TMEM156: variants seen among roughly 807,000 people sequenced by gnomAD.
TMEM156 encodes the protein transmembrane protein 156.
A neutral mutation model predicts 30.5 loss-of-function variants in TMEM156; 28 were observed. That is an observed-to-expected ratio of 0.92 (90% CI 0.68 to 1.26). TMEM156 has a LOEUF of 1.26. Ranked by LOEUF, TMEM156 falls within the 50% of genes most tolerant of loss-of-function variation. The pLI is 0.00. For missense variants in TMEM156, 351 were observed against 340.6 expected, an observed-to-expected ratio of 1.03 and a Z score of -0.24; for synonymous variants, 137 against 119.9, an observed-to-expected ratio of 1.14 and a Z score of -0.93.
At chr4:38,993,267 T>C (rs969607338) in intron 3 of TMEM156, among the ~76,000 whole-genome samples, 2 of 151,672 alleles carry the variant, frequency 1.3e-5, no homozygotes, top group African/African-American at 4.8e-5. Context: ...CCGTCTCTAC[T>C]AAAAATACAA....
intron 1 of TMEM156, among the ~76,000 whole-genome samples, chr4:39,002,531 T>A (rs1713439397): frequency 1.4e-5 from 2 of 138,930 alleles, no homozygotes; most frequent in Admixed American, 1.5e-4. Flanking sequence ...ATCCCATTAC[T>A]GGGTATATAC....
Position 38,993,909 on chromosome 4 carries a change from CAACCAGAGGAGCTACACTGA to C in TMEM156, c.428_447del (p.Phe143Ter). The C allele has an allele frequency of 6.2e-7, 1 of 1,614,062 alleles. No individual in the cohort carries two copies. ...GTAGTGTTATATTCCTCCAAGTGGT[CAACCAGAGGAGCTACACTGA>C]AGTTAAAGTGCTGACAAGGTGAATG... On this transcript the variant is annotated frameshift_variant, in exon 3 of 7. Coordinates refer to ENST00000381938, the MANE Select transcript of TMEM156 (RefSeq NM_024943.3). LOFTEE classifies it high-confidence loss of function.
At chr4:39,012,831 T>A (rs1714211046) in intron 1 of TMEM156, among the ~76,000 whole-genome samples, 2 of 151,672 alleles carry the variant, frequency 1.3e-5, no homozygotes, top group South Asian at 4.2e-4. Context: ...CCCAGCTACT[T>A]GGGAGGCTGA....
rs1313651181 is a variant in TMEM156 at position 38,968,008 on chromosome 4, T to A, written c.*39-367A>T. 2.6e-5 allele frequency among the ~76,000 whole-genome samples: 4 copies of A among 152,240 alleles called. No individual in the cohort carries two copies. The East Asian group carries it at 7.7e-4, about 29-fold the overall frequency. ...CTAGTTTACATTCCTACCAGCAGTG[T>A]ATAAGAGTTCCCAAAGTTGGGACAG... On this transcript the variant is annotated intron_variant, in intron 6 of 6. Transcript: ENST00000381938.
intron 5 of TMEM156, among the ~76,000 whole-genome samples, chr4:38,982,376 T>A (rs187747882): frequency 1.3e-5 from 2 of 152,344 alleles, no homozygotes; most frequent in Non-Finnish European, 2.9e-5. Context: ...TGCATAGTTT[T>A]CAAAATCCCT....
At chr4:38,995,269 C>A (rs925480055) in intron 2 of TMEM156, among the ~76,000 whole-genome samples, 2 of 152,194 alleles carry the variant, frequency 1.3e-5, no homozygotes, top group African/African-American at 4.8e-5. Context: ...ATGTCATATT[C>A]TGAGGTATCG....
At chr4:39,007,965 C>A (rs1713856281) in intron 1 of TMEM156, among the ~76,000 whole-genome samples, 1 of 151,976 alleles carries the variant, frequency 6.6e-6, no homozygotes, top group African/African-American at 2.4e-5. Flanking sequence ...TACAATTGAC[C>A]TTTAAATATC....
chr4:39,029,925 C>T (rs1715418728), intron 1 of TMEM156, among the ~76,000 whole-genome samples: 1 of 151,626 alleles, frequency 6.6e-6, no homozygotes, highest in Admixed American at 6.6e-5. Context: ...AACATTTTGC[C>T]TAGTAATCAA....
At position 38,998,841 on chromosome 4, in the gene TMEM156, A is replaced by G; in HGVS notation, c.157T>C (p.Leu53=). The change falls in exon 2 of 7, where the codon TTA becomes CTA. Residue 53 remains leucine, a synonymous_variant. Transcript: ENST00000381938. Reference sequence around the variant, plus strand: ...AGAAAAGTCACAAAAGAAAAATTTAAGGAGGAGAGTGAATAGGTAAAATTA... The same window carrying G: ...AGAAAAGTCACAAAAGAAAAATTTAGGGAGGAGAGTGAATAGGTAAAATTA... ...QSNFTYSLSS[L]NFSFVTFLQP... is the part of the protein sequence containing the mutation. 1 of 1,613,914 alleles carries G rather than the reference A, an allele frequency of 6.2e-7. No homozygotes were observed. The highest frequency in any genetic ancestry group is 8.5e-7 in the Non-Finnish European group (1 of 1,179,924).
At chr4:38,997,087 G>C (rs1054136499) in intron 2 of TMEM156, among the ~76,000 whole-genome samples, 1 of 152,206 alleles carries the variant, frequency 6.6e-6, no homozygotes, top group African/African-American at 2.4e-5. Flanking sequence ...CAGCAACTGG[G>C]ACAATGTGTC....
At position 39,021,394 on chromosome 4, in the gene TMEM156, C is replaced by CAA. The variant is rs35120494; in HGVS notation, c.88+10830_88+10831dup. Among the ~76,000 whole-genome samples, 276 of 145,478 alleles carry CAA rather than the reference C, an allele frequency of 1.9e-3. 1 individual carries two copies. Among genetic ancestry groups the CAA allele is most frequent in the Middle Eastern group, 0.011 (3 of 284 alleles). On this transcript the variant is annotated intron_variant, in intron 1 of 6. Transcript: ENST00000381938. ...TGGGCAACATAGTGAGACCTTGTCT[C>CAA]AAAAAAAAATAAATAAATAAAAAGA...
At position 38,998,923 on chromosome 4, in the gene TMEM156, A is replaced by C; in HGVS notation, c.89-14T>G. ...CCAATGTTCTTTCTGTAAAGAAAAAAGAAAAACACTTTCTTTACTGTAAAG... is the reference window on the plus strand; with the variant it reads ...CCAATGTTCTTTCTGTAAAGAAAAACGAAAAACACTTTCTTTACTGTAAAG... On this transcript the variant is annotated splice_polypyrimidine_tract_variant and intron_variant, in intron 1 of 6. Transcript: ENST00000381938. 1 of 1,589,972 alleles carries C rather than the reference A, an allele frequency of 6.3e-7. No homozygotes were observed. Among genetic ancestry groups the C allele is most frequent in the Non-Finnish European group, 8.5e-7 (1 of 1,171,692 alleles).
At chr4:38,994,680 G>A (rs979407115) in intron 2 of TMEM156, among the ~76,000 whole-genome samples, 2 of 152,140 alleles carry the variant, frequency 1.3e-5, no homozygotes, top group Non-Finnish European at 2.9e-5. Flanking sequence ...CAAGCACGGC[G>A]ATCCTGCCTG....
chr4:38,998,417 G>A (rs1167266189), intron 2 of TMEM156: 4 of 224,732 alleles, frequency 1.8e-5, no homozygotes, highest in African/African-American at 7.0e-5. Flanking sequence ...GGTGGCAGGC[G>A]CCTGTGGTCC....
chr4:39,008,944 C>T (rs1713924285), intron 1 of TMEM156, among the ~76,000 whole-genome samples: 1 of 150,874 alleles, frequency 6.6e-6, no homozygotes, highest in African/African-American at 2.4e-5. Flanking sequence ...CCCCAAAAAA[C>T]CATACAGAGG....
chr4:38,981,885 G>C (rs1711591421), intron 5 of TMEM156, among the ~76,000 whole-genome samples: 1 of 152,174 alleles, frequency 6.6e-6, no homozygotes, highest in Admixed American at 6.5e-5. Context: ...CCAATGCTTA[G>C]TATAATGGCT....
intron 5 of TMEM156, among the ~76,000 whole-genome samples, chr4:38,977,297 A>C (rs557451631): frequency 6.6e-6 from 1 of 152,248 alleles, no homozygotes; most frequent in African/African-American, 2.4e-5. Context: ...CTTTTCGTTG[A>C]AAAGCCAAAC....
At chr4:39,005,093 A>C (rs995540415) in intron 1 of TMEM156, among the ~76,000 whole-genome samples, 1 of 152,346 alleles carries the variant, frequency 6.6e-6, no homozygotes, top group Non-Finnish European at 1.5e-5. Flanking sequence ...ATGAATCTCA[A>C]AAGCATTATA....
In TMEM156 at chr4:38,975,912, G is replaced by A. The variant is rs138292319; in HGVS notation, c.824-4775C>T. Among the ~76,000 whole-genome samples, 4 of 152,234 alleles carry A rather than the reference G, an allele frequency of 2.6e-5. No individual in the cohort carries two copies. In the East Asian group the frequency reaches 7.7e-4, roughly 29 times the overall value. ...AATAAAAGGGGAGGCCATCTTGGAT[G>A]GGCCTGAATTAAAGAGGTAAAATCC... On this transcript the variant is annotated intron_variant, in intron 5 of 6. Transcript: ENST00000381938.
Sources: allele counts gnomAD v4.1 joint callset (sites outside exome capture counted in the v4.1 genomes callset), GRCh38; gene constraint gnomAD v4.1.1; transcripts MANE v1.5; gene names NCBI Gene and HGNC (gene_info 2026-07-23, HGNC 2026-07-21).